Variants in EPHA7 observed in about 807,000 individuals in gnomAD.
EPHA7 encodes EPH receptor A7.
Under a neutral mutation model 112.6 loss-of-function variants are expected in EPHA7, and 25 were observed. That is an observed-to-expected ratio of 0.22 (90% CI 0.16 to 0.31). The LOEUF (loss-of-function observed/expected upper bound fraction) is 0.31, where lower values mean the gene tolerates loss of function less well. EPHA7 is among the 10% of genes least tolerant of loss of function. The pLI, the probability that EPHA7 is intolerant of heterozygous loss-of-function variation, is 1.00. For synonymous variants in EPHA7, 437 were observed against 406.5 expected (o/e 1.07, Z -0.90); for missense variants, 962 against 1,212.6 (o/e 0.79, Z 3.07).
At chr6:93,325,640 A>T (rs1329856905) in intron 5 of EPHA7, among the ~76,000 whole-genome samples, 1 of 151,378 alleles carries the variant, frequency 6.6e-6, no homozygotes, top group Non-Finnish European at 1.5e-5. Flanking sequence ...AAATTCCAAC[A>T]AAATGAACCA....
chr6:93,364,410 GC>G (rs1226575019), intron 3 of EPHA7, among the ~76,000 whole-genome samples: 2 of 151,754 alleles, frequency 1.3e-5, no homozygotes, highest in Non-Finnish European at 2.9e-5. Flanking sequence ...TGTAACCCCA[GC>G]TACTCGGAAG....
At chr6:93,328,545 G>A (rs952346962) in intron 5 of EPHA7, among the ~76,000 whole-genome samples, 5 of 151,408 alleles carry the variant, frequency 3.3e-5, no homozygotes, top group African/African-American at 9.7e-5. Context: ...CTTTTCTAAA[G>A]TGCATCATAA....
intron 5 of EPHA7, among the ~76,000 whole-genome samples, chr6:93,327,072 A>G (rs978075427): frequency 1.3e-5 from 2 of 151,532 alleles, no homozygotes; most frequent in African/African-American, 2.4e-5. Context: ...GCATGTGCCG[A>G]GCAGAGCTGA....
At chr6:93,318,248 A>G (rs1031728267) in intron 5 of EPHA7, among the ~76,000 whole-genome samples, 1 of 152,086 alleles carries the variant, frequency 6.6e-6, no homozygotes, top group East Asian at 1.9e-4. Context: ...TTTGCCCACA[A>G]ATTCTAGCAC....
At position 93,356,191 on chromosome 6, in the gene EPHA7, G is replaced by A. The variant is rs1334977248; in HGVS notation, c.1324+526C>T. Among the ~76,000 whole-genome samples the A allele has an allele frequency of 1.0e-4, 15 of 150,504 alleles. No individual in the cohort carries two copies. The Admixed American group carries it at 1.0e-3, about 10-fold the overall frequency. On this transcript the variant is annotated intron_variant, in intron 5 of 16. Transcript: ENST00000369303. ...TATTTGTTTTATAGCAGTCTTAAGG[G>A]TTTACAATTTTATCTCCTGTTTTTT...
chr6:93,263,645 C>T (rs552066847), intron 9 of EPHA7, among the ~76,000 whole-genome samples: 1 of 151,506 alleles, frequency 6.6e-6, no homozygotes, highest in East Asian at 1.9e-4. Flanking sequence ...GAATATCCTG[C>T]AATTATATGA....
chr6:93,254,365 G>T (rs1164049822), intron 14 of EPHA7, among the ~76,000 whole-genome samples: 1 of 152,006 alleles, frequency 6.6e-6, no homozygotes, highest in Non-Finnish European at 1.5e-5. Context: ...TGCAAGTGTG[G>T]AAACATTATC....
intron 3 of EPHA7, among the ~76,000 whole-genome samples, chr6:93,385,392 C>T (rs954434182): frequency 6.6e-5 from 10 of 152,022 alleles, no homozygotes; most frequent in East Asian, 1.9e-4. Flanking sequence ...AAAAATCAAA[C>T]GCTTTCATAC....
At position 93,243,126 on chromosome 6, in the gene EPHA7, A is replaced by C. The variant is rs1292009531; in HGVS notation, c.*300T>G. ...TTCTTAAATTCTTTATGTACATTTT[A>C]AAAAGTCTATAAGACAAAAAGGAGG... On this transcript the variant is annotated 3_prime_UTR_variant, in exon 17 of 17. Transcript: ENST00000369303. The C allele has an allele frequency of 1.1e-5, 3 of 267,476 alleles. No homozygotes were observed. Among genetic ancestry groups the C allele is most frequent in the Non-Finnish European group, 2.1e-5 (3 of 141,874 alleles). The allele number at this position is 267,476 out of a possible 1,614,324, so 16.6% of individuals were successfully genotyped here. A position where few individuals can be genotyped will look rare whatever the true frequency, so the allele number is the denominator to read the frequency against.
intron 5 of EPHA7, among the ~76,000 whole-genome samples, chr6:93,291,477 T>C (rs1772360841): frequency 6.6e-6 from 1 of 152,000 alleles, no homozygotes; most frequent in Admixed American, 6.5e-5. Flanking sequence ...AGATAAAAAA[T>C]ACTTTTCTGG....
At chr6:93,338,378 A>T (rs1774978518) in intron 5 of EPHA7, among the ~76,000 whole-genome samples, 1 of 152,088 alleles carries the variant, frequency 6.6e-6, no homozygotes, top group Non-Finnish European at 1.5e-5. Flanking sequence ...CAAATATATT[A>T]AATAAGAGAG....
At chr6:93,370,390 T>G (rs1776730012) in intron 3 of EPHA7, among the ~76,000 whole-genome samples, 1 of 152,168 alleles carries the variant, frequency 6.6e-6, no homozygotes, top group East Asian at 1.9e-4. Context: ...TGCCATACAG[T>G]AAGTACACAA....
At chr6:93,310,869 G>A (rs542049984) in intron 5 of EPHA7, among the ~76,000 whole-genome samples, 5 of 152,244 alleles carry the variant, frequency 3.3e-5, no homozygotes, top group South Asian at 4.1e-4. Context: ...GCAGCTGAAG[G>A]TTGGGGTGGC....
At chr6:93,350,118 T>C (rs932255412) in intron 5 of EPHA7, among the ~76,000 whole-genome samples, 2 of 152,050 alleles carry the variant, frequency 1.3e-5, no homozygotes, top group East Asian at 1.9e-4. Context: ...GTTTAAAATA[T>C]GCAAGGCTAT....
intron 5 of EPHA7, among the ~76,000 whole-genome samples, chr6:93,345,727 C>G (rs1450804083): frequency 6.6e-6 from 1 of 151,714 alleles, no homozygotes; most frequent in African/African-American, 2.4e-5. Flanking sequence ...AAAACAAGAT[C>G]TTGATAGTGT....
At chr6:93,353,450 A>G (rs1718326791) in intron 5 of EPHA7, among the ~76,000 whole-genome samples, 1 of 152,134 alleles carries the variant, frequency 6.6e-6, no homozygotes, top group African/African-American at 2.4e-5. Flanking sequence ...GATAAGTCAT[A>G]TTTTTTACAG....
chr6:93,400,555 CA>C (rs1176140588), intron 3 of EPHA7, among the ~76,000 whole-genome samples: 1 of 151,928 alleles, frequency 6.6e-6, no homozygotes, highest in African/African-American at 2.4e-5. Context: ...TGTTTAGAAA[CA>C]AGGTCTAACT....
intron 3 of EPHA7, among the ~76,000 whole-genome samples, chr6:93,402,213 T>C (rs757942029): frequency 6.6e-6 from 1 of 152,032 alleles, no homozygotes; most frequent in Non-Finnish European, 1.5e-5. Flanking sequence ...CAGTTCTTTC[T>C]ATCCTTCTTT....
chr6:93,351,784 T>C (rs1303955231), intron 5 of EPHA7, among the ~76,000 whole-genome samples: 3 of 152,032 alleles, frequency 2.0e-5, no homozygotes, highest in Non-Finnish European at 4.4e-5. Context: ...AGGAACATAG[T>C]AAGTGTTCAA....
Sources: gnomAD v4.1 joint callset for allele counts (sites outside exome capture counted in the v4.1 genomes callset) on GRCh38, gnomAD v4.1.1 for gene constraint, MANE v1.5 for transcripts, NCBI Gene and HGNC (gene_info 2026-07-23, HGNC 2026-07-21) for gene names.